Variants in CACNA2D1 observed in about 807,000 individuals in gnomAD.
CACNA2D1 encodes the protein voltage-dependent calcium channel subunit alpha-2/delta-1.
Under a neutral mutation model 171.5 loss-of-function variants are expected in CACNA2D1, and 53 were observed. The observed-to-expected ratio is 0.31, with a 90% CI of 0.25 to 0.39. CACNA2D1 has a LOEUF of 0.39. Ranked by LOEUF, CACNA2D1 falls within the 10% of genes least tolerant of loss-of-function variation. CACNA2D1 has a pLI of 1.00. For missense variants in CACNA2D1, 903 were observed against 1,299.8 expected, an observed-to-expected ratio of 0.69 and a Z score of 4.69; for synonymous variants, 442 against 443.1, an observed-to-expected ratio of 1.00 and a Z score of 0.03.
intron 3 of CACNA2D1, among the ~76,000 whole-genome samples, chr7:82,269,830 C>A (rs964071427): frequency 6.6e-6 from 1 of 152,026 alleles, no homozygotes; most frequent in African/African-American, 2.4e-5. Flanking sequence ...TTTCAAGCTC[C>A]AATTCACTTT....
chr7:82,296,924 A>G (rs1454796933), intron 3 of CACNA2D1, among the ~76,000 whole-genome samples: 2 of 151,878 alleles, frequency 1.3e-5, no homozygotes, highest in South Asian at 2.1e-4. Flanking sequence ...TTAGGATACT[A>G]TTATTTCTCA....
At chr7:82,432,408 C>G (rs1829761694) in intron 1 of CACNA2D1, among the ~76,000 whole-genome samples, 1 of 152,262 alleles carries the variant, frequency 6.6e-6, no homozygotes, top group Admixed American at 6.5e-5. Flanking sequence ...TCAGGAACTG[C>G]CGTGATGGCA....
intron 5 of CACNA2D1, among the ~76,000 whole-genome samples, chr7:82,130,963 A>C (rs1012739693): frequency 2.0e-5 from 3 of 151,582 alleles, no homozygotes; most frequent in African/African-American, 7.3e-5. Context: ...TGCCTGGCTA[A>C]ATTTTAAAAA....
Position 82,012,254 on chromosome 7 carries a change from G to GGAA in CACNA2D1, c.1273-12_1273-11insTTC, listed in dbSNP as rs72239441. The GGAA allele has an allele frequency of 4.9e-6, 6 of 1,223,356 alleles. No homozygotes were observed. Among genetic ancestry groups the GGAA allele is most frequent in the African/African-American group, 1.6e-5 (1 of 62,826 alleles). 75.8% of individuals were successfully genotyped at this position (1,223,356 alleles called of 1,614,324 possible). ...AACATCCAAATATTCCTGTTTATGG[G>GGAA]AAAAAAAAAAAAAGTCGTGGTTAAA... On this transcript the variant is annotated splice_polypyrimidine_tract_variant and intron_variant, in intron 14 of 38. Transcript: ENST00000356860.
intron 3 of CACNA2D1, among the ~76,000 whole-genome samples, chr7:82,237,145 T>C (rs1437111486): frequency 6.6e-6 from 1 of 151,906 alleles, no homozygotes; most frequent in Non-Finnish European, 1.5e-5. Flanking sequence ...AACCCTTATA[T>C]AAATTATGTA....
chr7:82,009,960 C>T (rs1291931270), intron 15 of CACNA2D1, among the ~76,000 whole-genome samples: 2 of 152,028 alleles, frequency 1.3e-5, no homozygotes, highest in Non-Finnish European at 2.9e-5. Flanking sequence ...CTAATCTCCC[C>T]TTATTACCAA....
chr7:82,285,884 G>A (rs1323658866), intron 3 of CACNA2D1, among the ~76,000 whole-genome samples: 1 of 152,130 alleles, frequency 6.6e-6, no homozygotes, highest in East Asian at 1.9e-4. Context: ...ACAGTTGGGG[G>A]TATGCACATG....
At chr7:82,272,755 G>A (rs761048733) in intron 3 of CACNA2D1, among the ~76,000 whole-genome samples, 22 of 152,204 alleles carry the variant, frequency 1.4e-4, no homozygotes, top group East Asian at 1.9e-4. Context: ...GAATGTTTCC[G>A]TTTGTTGCTA....
chr7:82,392,780 G>A (rs553934813), intron 1 of CACNA2D1, among the ~76,000 whole-genome samples: 11 of 152,076 alleles, frequency 7.2e-5, no homozygotes, highest in African/African-American at 2.7e-4. Context: ...AAAATCATTG[G>A]GTCTTTTCCC....
intron 3 of CACNA2D1, among the ~76,000 whole-genome samples, chr7:82,293,909 TATC>T (rs1397251613): frequency 6.6e-6 from 1 of 152,152 alleles, no homozygotes; most frequent in African/African-American, 2.4e-5. Context: ...TATTATATAT[TATC>T]CCAGTAGAGG....
chr7:82,324,727 C>T (rs1421090150), intron 3 of CACNA2D1, among the ~76,000 whole-genome samples: 1 of 152,052 alleles, frequency 6.6e-6, no homozygotes, highest in Non-Finnish European at 1.5e-5. Flanking sequence ...ACAGGTATCT[C>T]CCACTTAAGC....
chr7:82,177,551 A>G (rs1396753671), intron 3 of CACNA2D1, among the ~76,000 whole-genome samples: 1 of 152,118 alleles, frequency 6.6e-6, no homozygotes, highest in African/African-American at 2.4e-5. Context: ...AGTTAAGATA[A>G]TATCTGGAGG....
chr7:81,958,748 A>C (rs1793737218), intron 38 of CACNA2D1, among the ~76,000 whole-genome samples: 1 of 151,938 alleles, frequency 6.6e-6, no homozygotes, highest in African/African-American at 2.4e-5. Flanking sequence ...AATTAGTACA[A>C]TTAAAGGAAA....
intron 2 of CACNA2D1, among the ~76,000 whole-genome samples, chr7:82,335,703 T>C (rs554327998): frequency 1.7e-4 from 26 of 152,170 alleles, no homozygotes; most frequent in African/African-American, 5.8e-4. Context: ...AGAATACATA[T>C]AAAGCCCCTG....
intron 12 of CACNA2D1, among the ~76,000 whole-genome samples, chr7:82,025,863 A>G (rs1214456366): frequency 1.3e-5 from 2 of 151,720 alleles, no homozygotes; most frequent in African/African-American, 4.8e-5. Context: ...TGTTCTATCC[A>G]TCACTGAAAG....
intron 6 of CACNA2D1, among the ~76,000 whole-genome samples, chr7:82,109,809 A>G (rs904131455): frequency 3.9e-5 from 6 of 152,164 alleles, no homozygotes; most frequent in African/African-American, 1.4e-4. Context: ...ACTGCATGCA[A>G]TCCTCACTGC....
At chr7:82,098,382 T>A (rs1054148756) in intron 6 of CACNA2D1, among the ~76,000 whole-genome samples, 47 of 152,202 alleles carry the variant, frequency 3.1e-4, no homozygotes, top group African/African-American at 1.1e-3. Context: ...AGAGATAATA[T>A]GAAGGATGTT....
chr7:82,181,041 A>AGTT (rs1797076631), intron 3 of CACNA2D1, among the ~76,000 whole-genome samples: 1 of 13,942 alleles, frequency 7.2e-5, no homozygotes, highest in Non-Finnish European at 1.5e-4. Context: ...GGCATGTCGG[A>AGTT]TTTTTTTTTT....
chr7:82,411,801 C>G (rs1827697223), intron 1 of CACNA2D1, among the ~76,000 whole-genome samples: 1 of 151,658 alleles, frequency 6.6e-6, no homozygotes, highest in Non-Finnish European at 1.5e-5. Flanking sequence ...CAGGACATGT[C>G]TAAATTTGCT....
Sources: gnomAD v4.1 joint callset for allele counts (sites outside exome capture counted in the v4.1 genomes callset) on GRCh38, gnomAD v4.1.1 for gene constraint, MANE v1.5 for transcripts, NCBI Gene and HGNC (gene_info 2026-07-23, HGNC 2026-07-21) for gene names.